Variants in TNS1 observed in about 807,000 individuals in gnomAD.
TNS1 encodes the protein tensin-1.
In TNS1, 62 loss-of-function variants were observed where a neutral mutation model predicts 168.6. The ratio of observed to expected loss-of-function variants is 0.37; its 90% CI spans 0.30 to 0.45. The LOEUF (loss-of-function observed/expected upper bound fraction) is 0.45. TNS1 is among the 20% of genes least tolerant of loss of function. TNS1 has a pLI of 1.00. For synonymous variants in TNS1, 934 were observed against 933.2 expected (o/e 1.00, Z -0.02); for missense variants, 2,240 against 2,339.4 (o/e 0.96, Z 0.88).
intron 3 of TNS1, among the ~76,000 whole-genome samples, chr2:217,949,994 C>T (rs1315132688): frequency 6.6e-6 from 1 of 152,120 alleles, no homozygotes; most frequent in Non-Finnish European, 1.5e-5. Flanking sequence ...CCAAAAGGCA[C>T]AGGCACTTTT....
intron 19 of TNS1, among the ~76,000 whole-genome samples, chr2:217,845,475 A>C (rs1946515620): frequency 6.6e-6 from 1 of 152,212 alleles, no homozygotes; most frequent in Non-Finnish European, 1.5e-5. Flanking sequence ...TGCTGACATA[A>C]ATTCTGTCAT....
intron 3 of TNS1, among the ~76,000 whole-genome samples, chr2:217,943,169 G>A (rs1240441378): frequency 6.6e-6 from 1 of 152,198 alleles, no homozygotes; most frequent in East Asian, 1.9e-4. Flanking sequence ...GGGTGAGGAA[G>A]GAGTAAGGGC....
intron 18 of TNS1, among the ~76,000 whole-genome samples, chr2:217,861,327 T>C (rs1948763772): frequency 6.6e-6 from 1 of 152,176 alleles, no homozygotes; most frequent in Non-Finnish European, 1.5e-5. Flanking sequence ...AATCTCCCCT[T>C]TGACAGGCAA....
rs777095314 is a variant in TNS1, at chr2:217,847,664, G to T, written c.2853C>A (p.Thr951=). 3.1e-6 allele frequency: 5 copies of T among 1,596,766 alleles called. No homozygotes were observed. In the Admixed American group the frequency reaches 8.4e-5, roughly 27 times the overall value. Residue 951 remains threonine (T), a synonymous_variant, in exon 19 of 33, where the codon ACC becomes ACA. Transcript: ENST00000682258. ...SSSLPAFLPT[T]HSPPGPQQPP... ...GTTGCTGAGGCCCTGGAGGGCTGTG[G>T]GTGGTCGGAAGGAAGGCAGGCAAGG...
At chr2:217,809,713 G>A (rs187507120) in intron 30 of TNS1, 110 bp downstream of exon 30, 1 of 1,138,744 alleles carries the variant, frequency 8.8e-7, no homozygotes. Flanking sequence ...GAAGGTAGAT[G>A]AGCAGTTGGG....
chr2:217,978,449 T>C (rs906603173), intron 3 of TNS1, among the ~76,000 whole-genome samples: 6 of 150,614 alleles, frequency 4.0e-5, no homozygotes, highest in Admixed American at 2.0e-4. Flanking sequence ...CCTTGAGAAC[T>C]AGCAGAAACA....
intron 18 of TNS1, among the ~76,000 whole-genome samples, chr2:217,857,892 A>G (rs1328775490): frequency 6.6e-6 from 1 of 152,208 alleles, no homozygotes; most frequent in African/African-American, 2.4e-5. Flanking sequence ...TCCAGAGCCC[A>G]CAACAAGCTG....
At chr2:217,868,979 T>C (rs1261972239) in intron 18 of TNS1, among the ~76,000 whole-genome samples, 1 of 152,152 alleles carries the variant, frequency 6.6e-6, no homozygotes. Flanking sequence ...GAGAGGGACA[T>C]AGAGAAGAAA....
At chr2:217,825,040 C>T (rs895916153) in intron 22 of TNS1, among the ~76,000 whole-genome samples, 1 of 152,178 alleles carries the variant, frequency 6.6e-6, no homozygotes, top group African/African-American at 2.4e-5. Context: ...CTCAGAGGCA[C>T]ACATCCATTT....
intron 28 of TNS1, among the ~76,000 whole-genome samples, chr2:217,811,771 C>T (rs760467391): frequency 3.3e-5 from 5 of 152,178 alleles, no homozygotes; most frequent in Admixed American, 6.5e-5. Context: ...CTAGCCCTGC[C>T]GTCTCACTCA....
chr2:217,848,252 G>C lies in TNS1; in HGVS notation c.2265C>G (p.Pro755=), dbSNP rs1414474267. 3 of 1,556,458 alleles carry C rather than the reference G, an allele frequency of 1.9e-6. No individual in the cohort carries two copies. The highest frequency in any genetic ancestry group is 4.5e-5 in the East Asian group (2 of 44,406). ...TGCTTCCCCCTCGGACCGGAGCTGG[G>C]GGCAGCTGGGGTTCAGCTTCCGAAA... The part of the protein sequence containing the change: ...QSFSEAEPQL[P]PAPVRGGSSR... The change falls in exon 19 of 33, where the codon CCC becomes CCG. Residue 755 remains proline, a synonymous_variant. Transcript: ENST00000682258.
chr2:217,815,109 G>T, intron 24 of TNS1, 111 bp from the exon 25 acceptor site: 1 of 822,454 alleles, frequency 1.2e-6, no homozygotes. Context: ...TTGGAAATAG[G>T]GTCTTTGCAG....
intron 1 of TNS1, among the ~76,000 whole-genome samples, chr2:217,992,061 G>A (rs1958379456): frequency 6.6e-6 from 1 of 152,084 alleles, no homozygotes. Flanking sequence ...AATCACATAT[G>A]GGAACATGCT....
chr2:217,975,520 A>G (rs1038882662), intron 3 of TNS1, among the ~76,000 whole-genome samples: 3 of 152,102 alleles, frequency 2.0e-5, no homozygotes, highest in African/African-American at 4.8e-5. Context: ...AGGAGTGACT[A>G]CAGCAGGCTG....
upstream of TNS1, among the ~76,000 whole-genome samples, chr2:218,007,063 C>T (rs1958664717): frequency 6.6e-6 from 1 of 152,144 alleles, no homozygotes; most frequent in Non-Finnish European, 1.5e-5. Flanking sequence ...TGGGGCCACT[C>T]ACACTGCAGC....
intron 30 of TNS1, 116 bp from the exon 31 acceptor site, chr2:217,808,787 C>A (rs947254797): frequency 3.4e-6 from 3 of 876,132 alleles, no homozygotes; most frequent in African/African-American, 1.7e-5. Context: ...CAGGTCCACA[C>A]AACTTCTCTC....
rs375367688 is a variant in TNS1 at position 217,959,633 on chromosome 2, A to G, written c.186+19132T>C. Among the ~76,000 whole-genome samples, 33 of 152,352 alleles carry G rather than the reference A, an allele frequency of 2.2e-4. No homozygotes were observed. The East Asian group carries it at 3.7e-3, about 17-fold the overall frequency. On this transcript the variant is annotated intron_variant, in intron 3 of 32. Coordinates refer to ENST00000682258, the MANE Select transcript of TNS1 (RefSeq NM_001387777.1). ...TTAGCATAAAACCTGGTGCCTTAGC[A>G]TGAAGACTGGTGTCTAATTGCTTAA...
chr2:217,807,412 G>A (rs915624923), intron 32 of TNS1, among the ~76,000 whole-genome samples: 1 of 152,170 alleles, frequency 6.6e-6, no homozygotes, highest in Admixed American at 6.5e-5. Flanking sequence ...CCTCTCTTCT[G>A]TACATCAGGT....
In TNS1 at chr2:217,848,484, A is replaced by G. The variant is rs371147972; in HGVS notation, c.2033T>C (p.Met678Thr). The G allele has an allele frequency of 6.8e-6, 11 of 1,613,188 alleles. No homozygotes were observed. In the African/African-American group the frequency reaches 9.3e-5, roughly 14 times the overall value. ...GLDKSYPMEP[M>T]VNGGGYPYES... is the part of the protein sequence containing the mutation. ...GTAGGGGTAGCCTCCTCCATTGACC[A>G]TAGGCTCCATGGGGTAGGACTTGTC... Residue 678 changes from methionine to threonine, a missense_variant, in exon 19 of 33, where the codon ATG (methionine) becomes ACG (threonine). By Grantham distance (81) the Met-to-Thr change is moderately conservative (BLOSUM62 -1). Around this residue, in one of 2 missense-constraint regions of TNS1, gnomAD observed 2,131 missense variants for 2,171.2 expected, o/e 0.98. Coordinates refer to ENST00000682258, the MANE Select transcript of TNS1 (RefSeq NM_001387777.1).
Sources: gnomAD v4.1 joint callset for allele counts (sites outside exome capture counted in the v4.1 genomes callset) on GRCh38, gnomAD v4.1.1 for gene constraint, gnomAD v4.1.1 regional missense constraint, MANE v1.5 for transcripts, NCBI Gene and HGNC (gene_info 2026-07-23, HGNC 2026-07-21) for gene names.